The following RBFOX1 variants were observed in gnomAD, a reference collection of about 807,000 sequenced individuals.
RBFOX1 encodes the protein RNA binding protein fox-1 homolog 1.
Under a neutral mutation model 57.7 loss-of-function variants are expected in RBFOX1, and 8 were observed. That is an observed-to-expected ratio of 0.14 (90% CI 0.08 to 0.25). RBFOX1 has a LOEUF of 0.25. RBFOX1 is among the 10% of genes least tolerant of loss of function. RBFOX1 has a pLI of 1.00. For synonymous variants in RBFOX1, 326 were observed against 222.4 expected (o/e 1.47, Z -4.15); for missense variants, 611 against 548.5 (o/e 1.11, Z -1.14).
At chr16:7,078,190 G>C (rs1001974527) in intron 4 of RBFOX1, among the ~76,000 whole-genome samples, 1 of 152,144 alleles carries the variant, frequency 6.6e-6, no homozygotes, top group Non-Finnish European at 1.5e-5. Context: ...TGCAGAAGAA[G>C]GAGAAAGGAG....
chr16:6,777,621 C>A (rs28446301), intron 3 of RBFOX1, among the ~76,000 whole-genome samples: 2,160 of 152,166 alleles, frequency 0.014, 59 homozygotes, highest in African/African-American at 0.048. Flanking sequence ...AAATTTCACA[C>A]GTTATTCAGT....
At chr16:7,262,558 C>T (rs2094959509) in intron 4 of RBFOX1, among the ~76,000 whole-genome samples, 1 of 152,280 alleles carries the variant, frequency 6.6e-6, no homozygotes, top group Non-Finnish European at 1.5e-5. Flanking sequence ...CTTTGTGGGG[C>T]ACCCATTGCT....
chr16:5,541,719 A>G (rs2044961047), intron 2 of RBFOX1, among the ~76,000 whole-genome samples: 1 of 152,180 alleles, frequency 6.6e-6, no homozygotes, highest in South Asian at 2.1e-4. Context: ...TTCCTTTCAC[A>G]GTATCCTTAC....
intron 4 of RBFOX1, among the ~76,000 whole-genome samples, chr16:7,420,718 C>G (rs1050402872): frequency 6.6e-6 from 1 of 151,130 alleles, no homozygotes; most frequent in African/African-American, 2.4e-5. Flanking sequence ...GGGTCATGTA[C>G]AAATGTATGA....
At chr16:5,725,732 C>T (rs1270324956) in intron 3 of RBFOX1, among the ~76,000 whole-genome samples, 1 of 151,922 alleles carries the variant, frequency 6.6e-6, no homozygotes. Flanking sequence ...CATCTTTTTG[C>T]TGCCATTCCT....
At chr16:7,362,222 T>A (rs563884878) in intron 4 of RBFOX1, among the ~76,000 whole-genome samples, 1 of 151,644 alleles carries the variant, frequency 6.6e-6, no homozygotes, top group African/African-American at 2.4e-5. Context: ...TTTTATGTGT[T>A]TGTGTGTTTT....
At chr16:6,259,680 G>T (rs147772058) in intron 1 of RBFOX1, among the ~76,000 whole-genome samples, 3 of 152,206 alleles carry the variant, frequency 2.0e-5, no homozygotes, top group Admixed American at 6.5e-5. Context: ...CACTGGGGCC[G>T]GGTGCAGTGG....
At chr16:7,029,857 G>T (rs753698280) in intron 3 of RBFOX1, among the ~76,000 whole-genome samples, 10 of 152,098 alleles carry the variant, frequency 6.6e-5, no homozygotes, top group Non-Finnish European at 1.5e-4. Flanking sequence ...ATGATAACTT[G>T]ATTCTTATGT....
At chr16:6,936,315 A>G (rs1039714718) in intron 3 of RBFOX1, among the ~76,000 whole-genome samples, 2 of 152,204 alleles carry the variant, frequency 1.3e-5, no homozygotes, top group East Asian at 1.9e-4. Flanking sequence ...TGGAAATGCA[A>G]GATATTTGTT....
rs9929733 is a variant in RBFOX1 at position 6,954,514 on chromosome 16, G to C, written c.-15-97543G>C. Among the ~76,000 whole-genome samples, 1,449 of 152,180 alleles carry C rather than the reference G, an allele frequency of 9.5e-3. 14 individuals are homozygous for C. The highest frequency in any genetic ancestry group is 0.033 in the African/African-American group (1,359 of 41,502). On this transcript the variant is annotated intron_variant, in intron 3 of 15. Transcript: ENST00000550418. ...TGAAACATTTGTTTTAATAAAAAGG[G>C]GGTAGTTGGGATAAAATACATGCCA... is the stretch of plus-strand genomic sequence containing the variant.
intron 4 of RBFOX1, among the ~76,000 whole-genome samples, chr16:7,424,385 G>A (rs1439309248): frequency 6.6e-6 from 1 of 152,072 alleles, no homozygotes; most frequent in African/African-American, 2.4e-5. Context: ...TCAGCCTCCC[G>A]AGTAGCTGGG....
intron 1 of RBFOX1, among the ~76,000 whole-genome samples, chr16:6,086,501 T>C (rs1597166096): frequency 2.3e-5 from 1 of 43,424 alleles, no homozygotes; most frequent in African/African-American, 6.0e-5. Flanking sequence ...CATTGAGGCC[T>C]GAGTGTTCTT....
At chr16:5,339,578 G>A (rs1382483399) in intron 1 of RBFOX1, among the ~76,000 whole-genome samples, 1 of 140,032 alleles carries the variant, frequency 7.1e-6, no homozygotes, top group Non-Finnish European at 1.5e-5. Flanking sequence ...CAACTCTCGG[G>A]TTCAGGTGAT....
At chr16:5,928,120 G>T (rs2058973491) in intron 4 of RBFOX1, among the ~76,000 whole-genome samples, 2 of 152,108 alleles carry the variant, frequency 1.3e-5, no homozygotes, top group Admixed American at 6.5e-5. Flanking sequence ...TTGAGACAGG[G>T]TATTGCTCTG....
At chr16:6,015,423 T>C (rs189923368), upstream of RBFOX1, among the ~76,000 whole-genome samples, 1 of 151,966 alleles carries the variant, frequency 6.6e-6, no homozygotes, top group Non-Finnish European at 1.5e-5. Flanking sequence ...GAAATCATTA[T>C]GGTAATGGTG....
intron 3 of RBFOX1, among the ~76,000 whole-genome samples, chr16:6,983,073 A>T (rs990859700): frequency 2.7e-5 from 4 of 150,006 alleles, no homozygotes; most frequent in African/African-American, 9.8e-5. Flanking sequence ...ACATCACATT[A>T]CTGGGGAGTG....
intron 3 of RBFOX1, among the ~76,000 whole-genome samples, chr16:6,765,550 G>T (rs1254626848): frequency 1.3e-5 from 2 of 152,104 alleles, no homozygotes; most frequent in East Asian, 1.9e-4. Context: ...ATGCTGGTGG[G>T]AATGTAAATG....
chr16:6,882,488 G>A (rs552060235), intron 3 of RBFOX1, among the ~76,000 whole-genome samples: 6 of 152,052 alleles, frequency 3.9e-5, no homozygotes, highest in African/African-American at 7.2e-5. Flanking sequence ...CAGCTACTCC[G>A]GAGGGTGAGG....
Position 7,222,295 on chromosome 16 carries a change from T to A in RBFOX1, c.27+170197T>A, listed in dbSNP as rs565046223. 1.2e-3 allele frequency among the ~76,000 whole-genome samples: 178 copies of A among 152,310 alleles called. 9 individuals are homozygous for A. In the South Asian group the frequency reaches 0.035, roughly 30 times the overall value. On this transcript the variant is annotated intron_variant, in intron 4 of 15. Coordinates refer to ENST00000550418, the MANE Select transcript of RBFOX1 (RefSeq NM_018723.4). ...AGAAGCGTAAGATATAATACTACAC[T>A]AGACAGGCAAGCAGACCTAATGTGC...
Sources: gnomAD v4.1 joint callset for allele counts (sites outside exome capture counted in the v4.1 genomes callset) on GRCh38, gnomAD v4.1.1 for gene constraint, MANE v1.5 for transcripts, NCBI Gene and HGNC (gene_info 2026-07-23, HGNC 2026-07-21) for gene names.